CACNA2D2: variants seen among roughly 807,000 people sequenced by gnomAD.
CACNA2D2 encodes the protein voltage-dependent calcium channel subunit alpha-2/delta-2.
Under a neutral mutation model 166.4 loss-of-function variants are expected in CACNA2D2, and 48 were observed. The observed-to-expected ratio is 0.29, with a 90% confidence interval of 0.23 to 0.37. The LOEUF is 0.37. Ranked by LOEUF, CACNA2D2 falls within the 10% of genes least tolerant of loss-of-function variation. The pLI, the probability that CACNA2D2 is intolerant of heterozygous loss-of-function variation, is 1.00. For missense variants in CACNA2D2, 1,122 were observed against 1,433.0 expected, an observed-to-expected ratio of 0.78 and a Z score of 3.50; for synonymous variants, 561 against 573.7, an observed-to-expected ratio of 0.98 and a Z score of 0.32.
chr3:50,464,600 C>T lies in CACNA2D2; in HGVS notation c.288+11518G>A, dbSNP rs79984120. On this transcript the variant is annotated intron_variant, in intron 2 of 37. Coordinates refer to ENST00000424201, the MANE Select transcript of CACNA2D2 (RefSeq NM_006030.4). The stretch of plus-strand genomic sequence containing the variant: ...TGAGGGGGAGACACAGTATGCCAGC[C>T]TCAGGGGTCCTAGTCTAAGAGGAGA... Among the ~76,000 whole-genome samples the T allele has an allele frequency of 2.8e-3, 429 of 152,322 alleles. 13 individuals carry two copies. In the East Asian group the frequency reaches 0.072, roughly 26 times the overall value.
chr3:50,403,221 G>A (rs1297558552), intron 3 of CACNA2D2, among the ~76,000 whole-genome samples: 1 of 152,068 alleles, frequency 6.6e-6, no homozygotes, highest in African/African-American at 2.4e-5. Flanking sequence ...TGGAGAGCAG[G>A]GCATAGACAG....
At chr3:50,498,946 C>T (rs1289225968) in intron 1 of CACNA2D2, among the ~76,000 whole-genome samples, 1 of 152,212 alleles carries the variant, frequency 6.6e-6, no homozygotes, top group East Asian at 1.9e-4. Context: ...TTTCTGAGGT[C>T]AGTCTCCCCA....
intron 1 of CACNA2D2, among the ~76,000 whole-genome samples, chr3:50,492,476 T>C (rs1365137903): frequency 6.6e-6 from 1 of 152,200 alleles, no homozygotes; most frequent in African/African-American, 2.4e-5. Flanking sequence ...GTCTAGTCTA[T>C]GCCTCAAGTG....
intron 3 of CACNA2D2, among the ~76,000 whole-genome samples, chr3:50,401,347 G>A (rs1358706666): frequency 2.0e-5 from 3 of 152,136 alleles, no homozygotes; most frequent in African/African-American, 7.2e-5. Flanking sequence ...CAGGGCAGCC[G>A]CCACTCCACC....
At chr3:50,407,880 A>G (rs1706799812) in intron 3 of CACNA2D2, among the ~76,000 whole-genome samples, 1 of 152,218 alleles carries the variant, frequency 6.6e-6, no homozygotes, top group Non-Finnish European at 1.5e-5. Context: ...CCCAGAGGGC[A>G]AAGATGTGGG....
At chr3:50,461,393 T>C (rs919322140) in intron 2 of CACNA2D2, among the ~76,000 whole-genome samples, 2 of 152,174 alleles carry the variant, frequency 1.3e-5, no homozygotes, top group Non-Finnish European at 2.9e-5. Context: ...TTCTGAGACA[T>C]GACAGTCTCC....
intron 3 of CACNA2D2, 88 bp downstream of exon 3, chr3:50,434,225 A>G: frequency 1.1e-6 from 1 of 880,072 alleles, no homozygotes; most frequent in Non-Finnish European, 1.9e-6. Flanking sequence ...CACGTGATGA[A>G]GGCTCAGGAC....
At chr3:50,378,420 G>A in intron 13 of CACNA2D2, 87 bp from the exon 14 acceptor site, 1 of 1,281,364 alleles carries the variant, frequency 7.8e-7, no homozygotes. Context: ...TGTGTCTGCA[G>A]CCCTGCCTCG....
rs12490809 is a variant in CACNA2D2 at position 50,376,973 on chromosome 3, C to T, written c.1626+494G>A. On this transcript the variant is annotated intron_variant, in intron 17 of 37. Transcript: ENST00000424201. This position sits in a 1 kb window ranked among gnomAD's most constrained non-coding sequence, Gnocchi z 4.3. ...CGCCATCCCCTCCTTTCCTTTCTGC[C>T]TGGGACACTCCTGCCTATGTGCATG... Among the ~76,000 whole-genome samples the T allele has an allele frequency of 0.052, 7,970 of 152,226 alleles. 1,452 individuals are homozygous for T. The East Asian group carries it at 0.58, about 11-fold the overall frequency.
At position 50,374,728 on chromosome 3, in the gene CACNA2D2, G is replaced by GC. The variant is rs2106637708; in HGVS notation, c.1984+8dup. 4.4e-6 allele frequency: 7 copies of GC among 1,586,544 alleles called. No individual in the cohort carries two copies. The highest frequency in any genetic ancestry group is 6.0e-6 in the Non-Finnish European group (7 of 1,166,790). On this transcript the variant is annotated intron_variant, in intron 22 of 37. Transcript: ENST00000424201. ...GGTGCAGGGCGCAGGCAGGGGCCGGGCCACTTACACTTGACCTGCAGGATC... is the reference window on the plus strand; with the variant it reads ...GGTGCAGGGCGCAGGCAGGGGCCGGGCCCACTTACACTTGACCTGCAGGATC...
intron 2 of CACNA2D2, among the ~76,000 whole-genome samples, chr3:50,468,073 G>A (rs139757989): frequency 1.3e-5 from 2 of 152,314 alleles, no homozygotes; most frequent in Non-Finnish European, 2.9e-5. Flanking sequence ...GCAATGAAAG[G>A]GAGTGAAGGA....
At chr3:50,403,954 G>A (rs1706569427) in intron 3 of CACNA2D2, among the ~76,000 whole-genome samples, 1 of 152,220 alleles carries the variant, frequency 6.6e-6, no homozygotes, top group South Asian at 2.1e-4. Context: ...CCTCCCAGAT[G>A]TGGTCCCTTG....
rs201346112 is a variant in CACNA2D2, at chr3:50,365,192, C to A, written c.3099-8G>T. ...CTCTGCGCGTGGAACAGCCTGCGGG[C>A]AGCCCGGAAAGGCGGGGCGTTGAGT... On this transcript the variant is annotated splice_region_variant and splice_polypyrimidine_tract_variant and intron_variant, in intron 35 of 37. Coordinates refer to ENST00000424201, the MANE Select transcript of CACNA2D2 (RefSeq NM_006030.4). This position sits in a 1 kb window ranked among gnomAD's most constrained non-coding sequence, Gnocchi z 4.5. 1.4e-4 allele frequency: 233 copies of A among 1,611,604 alleles called. No homozygotes were observed. The highest frequency in any genetic ancestry group is 1.7e-4 in the Non-Finnish European group (196 of 1,179,466).
intron 3 of CACNA2D2, among the ~76,000 whole-genome samples, chr3:50,414,617 C>T (rs1179511900): frequency 6.6e-6 from 1 of 152,184 alleles, no homozygotes; most frequent in African/African-American, 2.4e-5. Context: ...TGACAGATGC[C>T]GCCCAAAGCT....
intron 4 of CACNA2D2, among the ~76,000 whole-genome samples, chr3:50,392,308 A>G (rs1406746218): frequency 2.0e-5 from 3 of 152,190 alleles, no homozygotes; most frequent in South Asian, 4.1e-4. Flanking sequence ...TGGATACACC[A>G]TTAGCATTGA....
At position 50,366,213 on chromosome 3, in the gene CACNA2D2, C is replaced by A; in HGVS notation, c.2710-50G>T. 1 of 1,613,978 alleles carries A rather than the reference C, an allele frequency of 6.2e-7. No homozygotes were observed. On this transcript the variant is annotated intron_variant, in intron 31 of 37. Coordinates refer to ENST00000424201, the MANE Select transcript of CACNA2D2 (RefSeq NM_006030.4). The surrounding 1 kb of genome is among the most constrained non-coding windows in gnomAD (Gnocchi z 5.9). Reference sequence around the variant, plus strand: ...GGTCACAGGGCTGGCAGTGCTACACCCCTAGAAGGCTCAAATCCCTACTCT... The same window carrying A: ...GGTCACAGGGCTGGCAGTGCTACACACCTAGAAGGCTCAAATCCCTACTCT...
chr3:50,444,920 C>A (rs538512785), intron 2 of CACNA2D2, among the ~76,000 whole-genome samples: 1 of 152,326 alleles, frequency 6.6e-6, no homozygotes, highest in Admixed American at 6.5e-5. Flanking sequence ...ACCTTGCATA[C>A]CAGGTCACAC....
intron 2 of CACNA2D2, among the ~76,000 whole-genome samples, chr3:50,456,440 C>T (rs72938708): frequency 0.031 from 4,655 of 152,308 alleles, 237 homozygotes; most frequent in African/African-American, 0.11. Context: ...ATTGTGACTT[C>T]ACAATTTTCA....
chr3:50,384,148 C>T (rs1454044628), intron 6 of CACNA2D2, 48 bp downstream of exon 6: 22 of 1,600,724 alleles, frequency 1.4e-5, no homozygotes, highest in Non-Finnish European at 1.8e-5. Context: ...AGTGGGCCTG[C>T]CCCCACAGCA....
Sources: gnomAD v4.1 joint callset for allele counts (sites outside exome capture counted in the v4.1 genomes callset) on GRCh38, gnomAD v4.1.1 for gene constraint, Gnocchi (gnomAD v3.1) non-coding constraint, MANE v1.5 for transcripts, NCBI Gene and HGNC (gene_info 2026-07-23, HGNC 2026-07-21) for gene names.